Variants in TPCN1 observed in about 807,000 individuals in gnomAD.
The protein encoded by TPCN1 is two pore segment channel 1.
TPCN1 carries 52 observed loss-of-function variants against 108.8 expected under a neutral mutation model. The observed-to-expected ratio is 0.48, with a 90% CI of 0.38 to 0.60. The LOEUF (loss-of-function observed/expected upper bound fraction) is 0.60. TPCN1 is among the 20% of genes least tolerant of loss of function. The probability of loss-of-function intolerance (pLI) is 0.00; values close to 1 mark genes in which losing one functional copy is unlikely to be tolerated. For missense variants in TPCN1, 806 were observed against 1,072.8 expected, an observed-to-expected ratio of 0.75 and a Z score of 3.47; for synonymous variants, 446 against 433.7, an observed-to-expected ratio of 1.03 and a Z score of -0.35.
intron 22 of TPCN1, 118 bp downstream of exon 22, chr12:113,290,361 C>T: frequency 1.4e-6 from 1 of 734,904 alleles, no homozygotes; most frequent in Non-Finnish European, 2.3e-6. Flanking sequence ...CTGGAAGCCT[C>T]CCTGGCCCAG....
At chr12:113,293,797 G>A (rs540433046) in intron 27 of TPCN1, among the ~76,000 whole-genome samples, 17 of 152,320 alleles carry the variant, frequency 1.1e-4, no homozygotes, top group African/African-American at 2.9e-4. Flanking sequence ...CAGCCCCAGC[G>A]AGTGCTGCCC....
intron 2 of TPCN1, among the ~76,000 whole-genome samples, chr12:113,248,075 A>C (rs527453304): frequency 1.3e-5 from 2 of 152,356 alleles, no homozygotes; most frequent in African/African-American, 4.8e-5. Flanking sequence ...CCTTAAAAGA[A>C]AGGTTTTTAC....
Position 113,288,879 on chromosome 12 carries a change from T to G in TPCN1, c.1796+32T>G. The G allele has an allele frequency of 6.2e-7, 1 of 1,607,846 alleles. No homozygotes were observed. Among genetic ancestry groups the G allele is most frequent in the Non-Finnish European group, 8.5e-7 (1 of 1,175,736 alleles). Reference sequence around the variant, plus strand: ...AGGCCCCACCCAGCCCCAGGCAGCCTGCATTTCCCGGGCAGAGGGCTGGCC... The same window carrying G: ...AGGCCCCACCCAGCCCCAGGCAGCCGGCATTTCCCGGGCAGAGGGCTGGCC... On this transcript the variant is annotated intron_variant, in intron 21 of 27. Coordinates refer to ENST00000335509, the MANE Select transcript of TPCN1 (RefSeq NM_017901.6). This position sits in a 1 kb window ranked among gnomAD's most constrained non-coding sequence, Gnocchi z 4.8.
In TPCN1 at chr12:113,284,542, C is replaced by T. The variant is rs953788928; in HGVS notation, c.1343-39C>T. The T allele has an allele frequency of 9.3e-6, 15 of 1,612,096 alleles. No individual in the cohort carries two copies. Among genetic ancestry groups the T allele is most frequent in the Non-Finnish European group, 1.2e-5 (14 of 1,178,900 alleles). On this transcript the variant is annotated intron_variant, in intron 15 of 27. Coordinates refer to ENST00000335509, the MANE Select transcript of TPCN1 (RefSeq NM_017901.6). The surrounding 1 kb of genome is among the most constrained non-coding windows in gnomAD (Gnocchi z 4.1). ...GCGACCTGCAGATTTCTAAGCCCCC[C>T]TGTTATTTCTCTGTCTTTTACGGGC... is the stretch of plus-strand genomic sequence containing the variant.
rs1450324747 is a variant in TPCN1 at position 113,284,931 on chromosome 12, G to A, written c.1453+160G>A. Among the ~76,000 whole-genome samples, 2 of 152,184 alleles carry A rather than the reference G, an allele frequency of 1.3e-5. No individual in the cohort carries two copies. Among genetic ancestry groups the A allele is most frequent in the East Asian group, 1.9e-4 (1 of 5,198 alleles). On this transcript the variant is annotated intron_variant, in intron 17 of 27. Transcript: ENST00000335509. The surrounding 1 kb of genome is among the most constrained non-coding windows in gnomAD (Gnocchi z 4.1). ...TCTCGTCCCCGTTTAAAACTCTTTC[G>A]TGGTTGTCCGCTGCCCTCTGGATGG...
At chr12:113,247,610 C>T (rs1954449401) in intron 2 of TPCN1, among the ~76,000 whole-genome samples, 1 of 152,244 alleles carries the variant, frequency 6.6e-6, no homozygotes, top group African/African-American at 2.4e-5. Flanking sequence ...CGGCCCCTGC[C>T]GTGCCCTCGT....
chr12:113,279,388 TA>T lies in TPCN1; in HGVS notation c.1297+554del, dbSNP rs1305433881. ...ATATATATATATATATATATATATA[TA>T]TATTTTTTTTTTTTTTTTTTTTTTT... On this transcript the variant is annotated intron_variant, in intron 14 of 27. Coordinates refer to ENST00000335509, the MANE Select transcript of TPCN1 (RefSeq NM_017901.6). Among the ~76,000 whole-genome samples the T allele has an allele frequency of 4.6e-3, 144 of 31,610 alleles. 2 individuals carry two copies. The highest frequency in any genetic ancestry group is 7.4e-3 in the African/African-American group (49 of 6,658). 20.7% of individuals were successfully genotyped at this position (31,610 alleles called of 152,430 possible).
At chr12:113,240,360 C>T (rs557399401) in intron 2 of TPCN1, among the ~76,000 whole-genome samples, 11 of 152,250 alleles carry the variant, frequency 7.2e-5, no homozygotes, top group South Asian at 2.1e-4. Context: ...GTGTCTACAA[C>T]GGTTGAACAT....
chr12:113,262,253 T>C (rs1468958236), intron 3 of TPCN1, among the ~76,000 whole-genome samples: 1 of 152,036 alleles, frequency 6.6e-6, no homozygotes, highest in Non-Finnish European at 1.5e-5. Flanking sequence ...CTGGTAAAAA[T>C]ACAAAAATTA....
In TPCN1 at chr12:113,266,706, G is replaced by A. The variant is rs956635139; in HGVS notation, c.414+350G>A. Among the ~76,000 whole-genome samples the A allele has an allele frequency of 1.7e-4, 26 of 152,296 alleles. No individual in the cohort carries two copies. Among genetic ancestry groups the A allele is most frequent in the African/African-American group, 6.0e-4 (25 of 41,568 alleles). On this transcript the variant is annotated intron_variant, in intron 4 of 27. Transcript: ENST00000335509. This position sits in a 1 kb window ranked among gnomAD's most constrained non-coding sequence, Gnocchi z 4.2. ...CCAGCCTCAAAGGAGAAGGCAGTTCGGTGTGGTCACCATGGGAGGTGGGGG... is the reference window on the plus strand; with the variant it reads ...CCAGCCTCAAAGGAGAAGGCAGTTCAGTGTGGTCACCATGGGAGGTGGGGG...
chr12:113,285,044 C>T (rs952523963), intron 17 of TPCN1, among the ~76,000 whole-genome samples: 2 of 152,214 alleles, frequency 1.3e-5, no homozygotes, highest in Non-Finnish European at 2.9e-5. Context: ...CACACTGTTG[C>T]TCTCCTCAGC....
At chr12:113,225,415 G>T (rs1030795174) in intron 1 of TPCN1, 1 of 337,050 alleles carries the variant, frequency 3.0e-6, no homozygotes, top group South Asian at 2.2e-5. Context: ...GAGAAGTGGA[G>T]GTAGGACATA....
At chr12:113,278,117 GCA>G (rs1480893914) in intron 12 of TPCN1, 70 bp from the exon 13 acceptor site, 1 of 1,368,542 alleles carries the variant, frequency 7.3e-7, no homozygotes, top group African/African-American at 1.4e-5. Flanking sequence ...CCATAGGCAG[GCA>G]AGTAAGAGAA....
intron 2 of TPCN1, among the ~76,000 whole-genome samples, chr12:113,238,900 G>A (rs1953995926): frequency 6.6e-6 from 1 of 152,146 alleles, no homozygotes; most frequent in African/African-American, 2.4e-5. Flanking sequence ...GGAGACCAAG[G>A]CGAGAGGATC....
intron 27 of TPCN1, among the ~76,000 whole-genome samples, chr12:113,295,349 G>A (rs994613384): frequency 3.3e-5 from 5 of 151,620 alleles, no homozygotes; most frequent in Admixed American, 6.6e-5. Context: ...AGGCTGAGGC[G>A]GGAGGATCAT....
intron 2 of TPCN1, chr12:113,249,820 C>T (rs1241277871): frequency 1.3e-5 from 2 of 152,228 alleles, no homozygotes; most frequent in African/African-American, 4.8e-5. Flanking sequence ...TGGAATGACA[C>T]CGCCCACAGT....
intron 24 of TPCN1, 41 bp downstream of exon 24, chr12:113,291,718 C>T: frequency 6.2e-7 from 1 of 1,601,694 alleles, no homozygotes. Flanking sequence ...CCTTCGTCTT[C>T]CACATCACCA....
intron 2 of TPCN1, among the ~76,000 whole-genome samples, chr12:113,229,890 A>G (rs1057163501): frequency 3.3e-5 from 5 of 152,220 alleles, no homozygotes; most frequent in Admixed American, 6.5e-5. Flanking sequence ...GGGGAGGGCA[A>G]GCTCTTCAGC....
chr12:113,245,617 A>AAAAAG lies in TPCN1; in HGVS notation c.113-14740_113-14736dup, dbSNP rs1188224764. ...CTCCGTCTCAAAAAAAAAAAAAAAA[A>AAAAAG]AAAAGAAAAGAAAAGGGGTAGGCCC... On this transcript the variant is annotated intron_variant, in intron 2 of 27. Transcript: ENST00000335509. 6.6e-5 allele frequency among the ~76,000 whole-genome samples: 10 copies of AAAAAG among 150,724 alleles called. No individual in the cohort carries two copies. In the South Asian group the frequency reaches 8.4e-4, roughly 13 times the overall value.
Sources: allele counts gnomAD v4.1 joint callset (sites outside exome capture counted in the v4.1 genomes callset), GRCh38; gene constraint gnomAD v4.1.1; non-coding constraint Gnocchi (gnomAD v3.1); transcripts MANE v1.5; gene names NCBI Gene and HGNC (gene_info 2026-07-23, HGNC 2026-07-21).